The following RALYL variants were observed in gnomAD, a reference collection of about 807,000 sequenced individuals.
RALYL encodes RALY RNA binding protein like.
RALYL carries 29 observed loss-of-function variants against 35.1 expected under a neutral mutation model. That is an observed-to-expected ratio of 0.83 (90% CI 0.61 to 1.13). The LOEUF is 1.13. Ranked by LOEUF, RALYL falls within the 50% of genes most tolerant of loss-of-function variation. The pLI, the probability that RALYL is intolerant of heterozygous loss-of-function variation, is 0.00. For missense variants in RALYL, 359 were observed against 360.4 expected (o/e 1.00, Z 0.03); for synonymous variants, 120 against 127.6 (o/e 0.94, Z 0.40).
intron 4 of RALYL, among the ~76,000 whole-genome samples, chr8:84,832,519 A>C (rs1470580577): frequency 6.6e-6 from 1 of 152,134 alleles, no homozygotes; most frequent in Non-Finnish European, 1.5e-5. Flanking sequence ...TTTCTAGAGA[A>C]TATGTAGTGC....
intron 1 of RALYL, among the ~76,000 whole-genome samples, chr8:84,216,867 C>T (rs1820953817): frequency 6.6e-6 from 1 of 152,130 alleles, no homozygotes; most frequent in South Asian, 2.1e-4. Context: ...TTGATTTCCA[C>T]TTTGTGCTGA....
At chr8:84,263,118 C>A (rs1832626613) in intron 1 of RALYL, among the ~76,000 whole-genome samples, 2 of 152,020 alleles carry the variant, frequency 1.3e-5, no homozygotes, top group Non-Finnish European at 1.5e-5. Flanking sequence ...TGAATATATG[C>A]AAATAAAATA....
At chr8:84,782,458 A>C (rs999173779) in intron 3 of RALYL, among the ~76,000 whole-genome samples, 1 of 152,240 alleles carries the variant, frequency 6.6e-6, no homozygotes, top group Non-Finnish European at 1.5e-5. Flanking sequence ...AAAGGGCTGA[A>C]ATTTCACATC....
chr8:84,744,806 C>T (rs1031229888), intron 2 of RALYL, among the ~76,000 whole-genome samples: 1 of 151,852 alleles, frequency 6.6e-6, no homozygotes, highest in African/African-American at 2.4e-5. Context: ...GGTCTCGATA[C>T]AGAACTTCTC....
intron 1 of RALYL, among the ~76,000 whole-genome samples, chr8:84,304,310 G>A (rs1841388655): frequency 6.6e-6 from 1 of 152,020 alleles, no homozygotes; most frequent in South Asian, 2.1e-4. Context: ...GTAGAGATGA[G>A]GTTTCACCGT....
chr8:84,325,892 G>A (rs971829340), intron 1 of RALYL, among the ~76,000 whole-genome samples: 2 of 152,160 alleles, frequency 1.3e-5, no homozygotes, highest in African/African-American at 4.8e-5. Context: ...CACTTTGGGA[G>A]GCTGAGGCGG....
intron 7 of RALYL, among the ~76,000 whole-genome samples, chr8:84,880,479 C>T (rs1419931849): frequency 6.6e-6 from 1 of 151,916 alleles, no homozygotes; most frequent in Non-Finnish European, 1.5e-5. Context: ...AAATCCTGTC[C>T]ATCAAATTGC....
At chr8:84,464,269 C>T (rs1162028084) in intron 1 of RALYL, among the ~76,000 whole-genome samples, 2 of 151,800 alleles carry the variant, frequency 1.3e-5, no homozygotes, top group South Asian at 2.1e-4. Flanking sequence ...TTAGGTATAT[C>T]TCCCAATGCT....
chr8:84,814,222 G>A (rs1826623363), intron 4 of RALYL, among the ~76,000 whole-genome samples: 1 of 152,010 alleles, frequency 6.6e-6, no homozygotes, highest in Admixed American at 6.6e-5. Context: ...TATGTATCAT[G>A]TTCTAAAGAG....
intron 2 of RALYL, among the ~76,000 whole-genome samples, chr8:84,551,658 A>G (rs1681332): frequency 1 from 152,202 of 152,212 alleles, 76,096 homozygotes; most frequent in Non-Finnish European, 1. Context: ...AGTATTTAAT[A>G]GCAGTGAGGG....
chr8:84,872,039 A>C (rs1011424347), intron 6 of RALYL, among the ~76,000 whole-genome samples: 1 of 152,182 alleles, frequency 6.6e-6, no homozygotes, highest in Non-Finnish European at 1.5e-5. Context: ...AGATTATTAG[A>C]AACCAGAAGG....
At chr8:84,198,049 T>A (rs1171931893) in intron 1 of RALYL, among the ~76,000 whole-genome samples, 1 of 152,184 alleles carries the variant, frequency 6.6e-6, no homozygotes, top group Non-Finnish European at 1.5e-5. Context: ...TGAACTCTTT[T>A]CTAGATATTT....
chr8:84,663,634 G>A (rs999289152), intron 2 of RALYL, among the ~76,000 whole-genome samples: 1 of 151,968 alleles, frequency 6.6e-6, no homozygotes, highest in African/African-American at 2.4e-5. Context: ...AGAAGTGTCT[G>A]TTCATGTCCT....
chr8:84,826,537 T>A lies in RALYL; in HGVS notation c.365+21735T>A, dbSNP rs183069069. On this transcript the variant is annotated intron_variant, in intron 4 of 8. Transcript: ENST00000521268. ...GTATACCAAAAATGTCATCATTTTT[T>A]AATATTAGGCCAGTATGAGACTGCT... Among the ~76,000 whole-genome samples the A allele has an allele frequency of 2.4e-3, 370 of 152,240 alleles. 2 individuals are homozygous for A. Among genetic ancestry groups the A allele is most frequent in the South Asian group, 0.02 (96 of 4,822 alleles).
At chr8:84,343,340 C>G (rs1586459592) in intron 1 of RALYL, among the ~76,000 whole-genome samples, 1 of 152,066 alleles carries the variant, frequency 6.6e-6, no homozygotes, top group South Asian at 2.1e-4. Context: ...GATACATCCT[C>G]CTTGCACTTT....
intron 4 of RALYL, among the ~76,000 whole-genome samples, chr8:84,827,874 C>T (rs1031066176): frequency 3.9e-5 from 6 of 152,024 alleles, no homozygotes; most frequent in African/African-American, 1.4e-4. Context: ...GTATCTTTAA[C>T]AAATGAATAA....
intron 2 of RALYL, chr8:84,679,009 G>A: frequency 2.9e-6 from 1 of 340,280 alleles, no homozygotes; most frequent in Non-Finnish European, 5.9e-6. Flanking sequence ...TCTGACACTA[G>A]CCTGGCCACC....
intron 1 of RALYL, among the ~76,000 whole-genome samples, chr8:84,475,511 A>G (rs533598669): frequency 2.1e-4 from 32 of 152,346 alleles, no homozygotes; most frequent in Admixed American, 2.0e-3. Context: ...ACTCTAATAT[A>G]AAATTTTTGA....
At chr8:84,916,497 A>G (rs890611011) in intron 8 of RALYL, among the ~76,000 whole-genome samples, 2 of 151,946 alleles carry the variant, frequency 1.3e-5, no homozygotes, top group African/African-American at 4.8e-5. Context: ...ATGGTACATA[A>G]GTCTCATAAG....
Sources: allele counts gnomAD v4.1 joint callset (sites outside exome capture counted in the v4.1 genomes callset), GRCh38; gene constraint gnomAD v4.1.1; transcripts MANE v1.5; gene names NCBI Gene and HGNC (gene_info 2026-07-23, HGNC 2026-07-21).